CEMIP2: variants seen among roughly 807,000 people sequenced by gnomAD.
The protein encoded by CEMIP2 is cell migration inducing hyaluronidase 2.
Under a neutral mutation model 146.9 loss-of-function variants are expected in CEMIP2, and 79 were observed. The ratio of observed to expected loss-of-function variants is 0.54; its 90% CI spans 0.45 to 0.65. The LOEUF is 0.65. Ranked by LOEUF, CEMIP2 falls within the 30% of genes least tolerant of loss-of-function variation. The pLI, the probability that CEMIP2 is intolerant of heterozygous loss-of-function variation, is 0.00. For synonymous variants in CEMIP2, 601 were observed against 606.3 expected, an observed-to-expected ratio of 0.99 and a Z score of 0.13; for missense variants, 1,596 against 1,696.2, an observed-to-expected ratio of 0.94 and a Z score of 1.04.
intron 7 of CEMIP2, 96 bp from the exon 8 acceptor site, chr9:71,731,010 T>G (rs1268158812): frequency 1.1e-6 from 1 of 934,710 alleles, no homozygotes; most frequent in African/African-American, 1.7e-5. Context: ...AGGAGAATAC[T>G]TATTAAAACA....
intron 16 of CEMIP2, among the ~76,000 whole-genome samples, chr9:71,709,826 A>G (rs932784511): frequency 3.3e-5 from 5 of 152,234 alleles, no homozygotes; most frequent in Non-Finnish European, 5.9e-5. Flanking sequence ...AAGGGAGACT[A>G]TGCAGTCACA....
intron 19 of CEMIP2, chr9:71,699,355 A>G (rs1589130461): frequency 2.5e-6 from 1 of 403,666 alleles, no homozygotes; most frequent in South Asian, 1.8e-5. Flanking sequence ...CTGAGGTGGG[A>G]GGATCACTTG....
At chr9:71,690,367 A>T in intron 21 of CEMIP2, 121 bp from the exon 22 acceptor site, 2 of 1,267,936 alleles carry the variant, frequency 1.6e-6, no homozygotes, top group Non-Finnish European at 2.2e-6. Context: ...TATTTCCAAG[A>T]TTCAAATTGT....
intron 4 of CEMIP2, among the ~76,000 whole-genome samples, chr9:71,743,248 C>T (rs62549282): frequency 0.07 from 10,674 of 152,162 alleles, 538 homozygotes; most frequent in South Asian, 0.19. Context: ...AGCATGGCTC[C>T]CTTCGGTGGG....
chr9:71,740,679 T>C (rs1356258587), intron 4 of CEMIP2, among the ~76,000 whole-genome samples: 1 of 152,194 alleles, frequency 6.6e-6, no homozygotes, highest in Non-Finnish European at 1.5e-5. Context: ...ACAGACCCCA[T>C]CCCAGATAAA....
chr9:71,689,313 A>G (rs1450984014), intron 22 of CEMIP2, among the ~76,000 whole-genome samples: 1 of 152,234 alleles, frequency 6.6e-6, no homozygotes, highest in African/African-American at 2.4e-5. Flanking sequence ...ATAGGCCTTT[A>G]ATTTGGGGAA....
chr9:71,723,786 CAT>C (rs1823309326), intron 11 of CEMIP2, among the ~76,000 whole-genome samples: 1 of 152,090 alleles, frequency 6.6e-6, no homozygotes, highest in African/African-American at 2.4e-5. Flanking sequence ...TGTGCGCACA[CAT>C]GTGGGTGTGT....
intron 14 of CEMIP2, 126 bp from the exon 15 acceptor site, chr9:71,715,215 A>C: frequency 5.9e-6 from 5 of 842,200 alleles, no homozygotes; most frequent in Non-Finnish European, 8.6e-6. Context: ...TCTAATACAC[A>C]TTCACAAGTC....
rs139832017 is a variant in CEMIP2, at chr9:71,745,301, C to A, written c.751G>T (p.Gly251Cys). The A allele has an allele frequency of 4.3e-6, 7 of 1,613,898 alleles. No homozygotes were observed. The highest frequency in any genetic ancestry group is 5.1e-6 in the Non-Finnish European group (6 of 1,179,806). ...TLLARTLNSS[G>C]LPFGSYTFEK... ...AAGGTATAGGACCCAAAGGGCAAGC[C>A]TGAGGAATTCAGGGTCCTTGCCAAC... The change falls in exon 4 of 24, where the codon GGC (glycine) becomes TGC (cysteine). Residue 251 changes from glycine to cysteine, a missense_variant. Gly to Cys is a radical substitution (Grantham distance 159). Transcript: ENST00000377044.
chr9:71,724,557 C>T (rs62547001), intron 11 of CEMIP2, among the ~76,000 whole-genome samples: 12,568 of 152,028 alleles, frequency 0.083, 611 homozygotes, highest in African/African-American at 0.1. Flanking sequence ...AACTCTGGTG[C>T]GGGTCACATC....
intron 5 of CEMIP2, among the ~76,000 whole-genome samples, chr9:71,738,292 C>T (rs997416930): frequency 6.6e-6 from 1 of 152,118 alleles, no homozygotes; most frequent in Non-Finnish European, 1.5e-5. Flanking sequence ...ATCGACAGAT[C>T]GCTTGAGGTC....
intron 5 of CEMIP2, among the ~76,000 whole-genome samples, chr9:71,737,341 A>C (rs1228258853): frequency 6.6e-6 from 1 of 151,148 alleles, no homozygotes; most frequent in Non-Finnish European, 1.5e-5. Flanking sequence ...AGTTCCAGCT[A>C]CTCAGGAGGC....
chr9:71,733,369 G>A (rs1293422032), intron 6 of CEMIP2, among the ~76,000 whole-genome samples: 1 of 152,148 alleles, frequency 6.6e-6, no homozygotes, highest in Non-Finnish European at 1.5e-5. Flanking sequence ...GACTCATCAT[G>A]CAGACTTGTT....
intron 10 of CEMIP2, among the ~76,000 whole-genome samples, chr9:71,728,477 G>A (rs1823515039): frequency 6.7e-6 from 1 of 148,526 alleles, no homozygotes; most frequent in Admixed American, 6.7e-5. Flanking sequence ...GCAAGACCCT[G>A]TCTCAGGGAG....
chr9:71,747,180 C>T (rs113187763), intron 2 of CEMIP2, among the ~76,000 whole-genome samples: 4 of 152,118 alleles, frequency 2.6e-5, no homozygotes, highest in Admixed American at 6.5e-5. Context: ...AAAAAAATCA[C>T]GCCTTCAATT....
chr9:71,722,626 G>A, intron 11 of CEMIP2, 111 bp from the exon 12 acceptor site: 3 of 790,026 alleles, frequency 3.8e-6, no homozygotes, highest in South Asian at 2.0e-5. Flanking sequence ...AAAAAAAGTG[G>A]GGCAGGGAAT....
At chr9:71,763,206 A>G (rs1469272101) in intron 1 of CEMIP2, among the ~76,000 whole-genome samples, 1 of 152,154 alleles carries the variant, frequency 6.6e-6, no homozygotes, top group African/African-American at 2.4e-5. Context: ...GTATGTGAAA[A>G]AATGATTCAT....
chr9:71,754,934 T>C (rs770529239), intron 1 of CEMIP2, among the ~76,000 whole-genome samples: 18 of 152,040 alleles, frequency 1.2e-4, no homozygotes, highest in Admixed American at 2.0e-4. Context: ...AACATAAGCA[T>C]TCCAAAAAGT....
intron 21 of CEMIP2, among the ~76,000 whole-genome samples, chr9:71,692,276 C>T (rs866551361): frequency 4.1e-5 from 6 of 146,756 alleles, no homozygotes; most frequent in Middle Eastern, 3.5e-3. Flanking sequence ...TTTTCAGACT[C>T]TGGGGCATAG....
Sources: allele counts gnomAD v4.1 joint callset (sites outside exome capture counted in the v4.1 genomes callset), GRCh38; gene constraint gnomAD v4.1.1; transcripts MANE v1.5; gene names NCBI Gene and HGNC (gene_info 2026-07-23, HGNC 2026-07-21).